TMTC1: variants seen among roughly 807,000 people sequenced by gnomAD.
The protein encoded by TMTC1 is protein O-mannosyl-transferase TMTC1.
A neutral mutation model predicts 104.8 loss-of-function variants in TMTC1; 73 were observed. That is an observed-to-expected ratio of 0.70 (90% CI 0.58 to 0.85). The LOEUF is 0.85. TMTC1 is among the 40% of genes least tolerant of loss of function. The probability of loss-of-function intolerance (pLI) is 0.00; values close to 1 mark genes in which losing one functional copy is unlikely to be tolerated. For missense variants in TMTC1, 1,035 were observed against 1,096.1 expected, an observed-to-expected ratio of 0.94 and a Z score of 0.79; for synonymous variants, 434 against 428.7, an observed-to-expected ratio of 1.01 and a Z score of -0.15.
chr12:29,518,118 T>A (rs1944043254), intron 13 of TMTC1, among the ~76,000 whole-genome samples: 1 of 152,238 alleles, frequency 6.6e-6, no homozygotes, highest in Middle Eastern at 3.2e-3. Flanking sequence ...TCTTTCTCAT[T>A]AATTATGATG....
chr12:29,528,777 C>A (rs572242021), intron 11 of TMTC1, among the ~76,000 whole-genome samples: 1 of 151,976 alleles, frequency 6.6e-6, no homozygotes, highest in Admixed American at 6.6e-5. Flanking sequence ...AAGAACTTTC[C>A]ATTTATGTGG....
intron 10 of TMTC1, among the ~76,000 whole-genome samples, chr12:29,540,711 C>T (rs1944772025): frequency 6.6e-6 from 1 of 152,072 alleles, no homozygotes; most frequent in Non-Finnish European, 1.5e-5. Context: ...GTAGTTTTGG[C>T]CAGGCATCGT....
At position 29,502,842 on chromosome 12, in the gene TMTC1, T is replaced by C. The variant is rs1943624021; in HGVS notation, c.*4004A>G. On this transcript the variant is annotated 3_prime_UTR_variant, in exon 18 of 18. Transcript: ENST00000539277. ...AGCATCACCAGGACAGCCAGGATGATTCAACCGAAGATTCCGAAAGGTCCT... is the reference window on the plus strand; with the variant it reads ...AGCATCACCAGGACAGCCAGGATGACTCAACCGAAGATTCCGAAAGGTCCT... 1 of 152,198 alleles carries C rather than the reference T, an allele frequency of 6.6e-6. No homozygotes were observed. Among genetic ancestry groups the C allele is most frequent in the African/African-American group, 2.4e-5 (1 of 41,452 alleles). The allele number at this position is 152,198 out of a possible 1,614,324, so 9.4% of individuals were successfully genotyped here. A position where few individuals can be genotyped will look rare whatever the true frequency, so the allele number is the denominator to read the frequency against.
intron 5 of TMTC1, among the ~76,000 whole-genome samples, chr12:29,643,912 T>A (rs1358469245): frequency 9.2e-6 from 1 of 109,130 alleles, no homozygotes; most frequent in African/African-American, 3.7e-5. Context: ...TAAAATTATA[T>A]ATAAATATAT....
intron 5 of TMTC1, among the ~76,000 whole-genome samples, chr12:29,654,720 CA>C (rs34793977): frequency 0.1 from 14,552 of 140,982 alleles, 1,054 homozygotes; most frequent in East Asian, 0.44. Flanking sequence ...CCATTTTTAT[CA>C]AAAAAAAAAA....
At chr12:29,760,629 G>A (rs938533781) in intron 2 of TMTC1, among the ~76,000 whole-genome samples, 1 of 152,054 alleles carries the variant, frequency 6.6e-6, no homozygotes, top group Non-Finnish European at 1.5e-5. Context: ...CATTTATGCA[G>A]TATTCTAGCA....
intron 5 of TMTC1, among the ~76,000 whole-genome samples, chr12:29,716,892 G>A (rs1313470112): frequency 1.3e-5 from 2 of 152,032 alleles, no homozygotes; most frequent in African/African-American, 4.8e-5. Context: ...GCGGGCACCT[G>A]TAGTCTCAGC....
chr12:29,635,776 G>A (rs1938519196), intron 5 of TMTC1, among the ~76,000 whole-genome samples: 1 of 152,158 alleles, frequency 6.6e-6, no homozygotes, highest in South Asian at 2.1e-4. Context: ...CACACCACAG[G>A]GATGCAGTGT....
intron 7 of TMTC1, among the ~76,000 whole-genome samples, chr12:29,601,444 T>C (rs891268632): frequency 8.5e-5 from 13 of 152,232 alleles, no homozygotes; most frequent in Non-Finnish European, 1.5e-4. Context: ...TACAAATCTT[T>C]GTCACCCAGA....
At chr12:29,613,234 G>A (rs961030593) in intron 6 of TMTC1, among the ~76,000 whole-genome samples, 2 of 152,150 alleles carry the variant, frequency 1.3e-5, no homozygotes, top group Non-Finnish European at 2.9e-5. Context: ...ACCTAGTGGA[G>A]TGACTCAGGA....
At chr12:29,543,577 TTGG>T (rs1565658838) in intron 10 of TMTC1, among the ~76,000 whole-genome samples, 1 of 152,186 alleles carries the variant, frequency 6.6e-6, no homozygotes, top group Admixed American at 6.5e-5. Context: ...TCTGTTGTTG[TTGG>T]ATTCAAAATT....
chr12:29,538,337 T>C (rs570200126), intron 10 of TMTC1, among the ~76,000 whole-genome samples: 13 of 152,278 alleles, frequency 8.5e-5, no homozygotes, highest in African/African-American at 2.6e-4. Context: ...TTAAATGAAA[T>C]GTATTTTTGT....
intron 5 of TMTC1, among the ~76,000 whole-genome samples, chr12:29,739,773 C>T (rs1330691506): frequency 2.7e-5 from 4 of 150,258 alleles, no homozygotes; most frequent in Non-Finnish European, 5.9e-5. Context: ...CAGTGGCATG[C>T]TCCCAGCTCA....
intron 5 of TMTC1, among the ~76,000 whole-genome samples, chr12:29,720,996 T>A (rs1182600866): frequency 6.6e-6 from 1 of 152,098 alleles, no homozygotes; most frequent in East Asian, 1.9e-4. Flanking sequence ...AACACTGGCT[T>A]CAATGAGCTG....
chr12:29,697,587 A>C (rs1421379288), intron 5 of TMTC1, among the ~76,000 whole-genome samples: 1 of 151,228 alleles, frequency 6.6e-6, no homozygotes, highest in Non-Finnish European at 1.5e-5. Context: ...GAAAGTTCAA[A>C]ATCTGCATGG....
At chr12:29,543,832 G>A (rs1367440443) in intron 10 of TMTC1, among the ~76,000 whole-genome samples, 2 of 152,174 alleles carry the variant, frequency 1.3e-5, no homozygotes, top group Non-Finnish European at 2.9e-5. Context: ...AAATGTAATG[G>A]AAATATAGCA....
chr12:29,667,470 T>C (rs767402879), intron 5 of TMTC1, among the ~76,000 whole-genome samples: 2 of 152,084 alleles, frequency 1.3e-5, no homozygotes, highest in African/African-American at 2.4e-5. Flanking sequence ...TATTAAACGG[T>C]GAAAATGACG....
chr12:29,733,695 T>C (rs1366140353), intron 5 of TMTC1, among the ~76,000 whole-genome samples: 3 of 152,174 alleles, frequency 2.0e-5, no homozygotes. Flanking sequence ...AAATTTGCAG[T>C]CAGGTTGGCT....
At chr12:29,757,540 C>CTA (rs1943243517) in intron 3 of TMTC1, among the ~76,000 whole-genome samples, 1 of 152,136 alleles carries the variant, frequency 6.6e-6, no homozygotes, top group Non-Finnish European at 1.5e-5. Context: ...CTTTGTAAGA[C>CTA]TATAGGTCAA....
Sources: gnomAD v4.1 joint callset for allele counts (sites outside exome capture counted in the v4.1 genomes callset) on GRCh38, gnomAD v4.1.1 for gene constraint, MANE v1.5 for transcripts, NCBI Gene and HGNC (gene_info 2026-07-23, HGNC 2026-07-21) for gene names.